The following SHISA6 variants were observed in gnomAD, a reference collection of about 807,000 sequenced individuals.
The protein encoded by SHISA6 is protein shisa-6.
SHISA6 carries 22 observed loss-of-function variants against 47.9 expected under a neutral mutation model. That is an observed-to-expected ratio of 0.46 (90% confidence interval 0.33 to 0.66). The LOEUF is 0.66. Ranked by LOEUF, SHISA6 falls within the 30% of genes least tolerant of loss-of-function variation. The pLI is 0.02. For synonymous variants in SHISA6, 388 were observed against 337.8 expected (o/e 1.15, Z -1.63); for missense variants, 680 against 764.6 (o/e 0.89, Z 1.30).
At chr17:11,470,093 C>T (rs1915901725) in intron 3 of SHISA6, among the ~76,000 whole-genome samples, 1 of 152,152 alleles carries the variant, frequency 6.6e-6, no homozygotes, top group Non-Finnish European at 1.5e-5. Context: ...AGAGGGACCT[C>T]ACCAGAAACC....
intron 2 of SHISA6, among the ~76,000 whole-genome samples, chr17:11,285,401 C>T (rs942279678): frequency 7.9e-5 from 12 of 152,208 alleles, no homozygotes; most frequent in South Asian, 4.1e-4. Flanking sequence ...TATCCCACCA[C>T]CCCTCAATCC....
At chr17:11,262,752 C>T (rs1383195960) in intron 1 of SHISA6, among the ~76,000 whole-genome samples, 2 of 152,164 alleles carry the variant, frequency 1.3e-5, no homozygotes, top group Non-Finnish European at 2.9e-5. Context: ...GTATTTTTCC[C>T]CTGTGTTTGT....
chr17:11,406,844 C>T (rs775491050), intron 3 of SHISA6, among the ~76,000 whole-genome samples: 8 of 152,136 alleles, frequency 5.3e-5, no homozygotes, highest in Non-Finnish European at 7.3e-5. Flanking sequence ...CCACACCCCA[C>T]GAGAGTATAA....
At chr17:11,552,193 G>A (rs879505770) in intron 4 of SHISA6, among the ~76,000 whole-genome samples, 2 of 152,154 alleles carry the variant, frequency 1.3e-5, no homozygotes, top group Non-Finnish European at 2.9e-5. Context: ...AAACAGAAAG[G>A]GGCTAGACCC....
intron 3 of SHISA6, among the ~76,000 whole-genome samples, chr17:11,547,233 T>G (rs1324495191): frequency 1.3e-5 from 2 of 152,166 alleles, no homozygotes; most frequent in African/African-American, 4.8e-5. Flanking sequence ...GAGATATATG[T>G]CAATTTTGTA....
intron 2 of SHISA6, among the ~76,000 whole-genome samples, chr17:11,347,877 C>T (rs1911752812): frequency 6.6e-6 from 1 of 152,126 alleles, no homozygotes; most frequent in Non-Finnish European, 1.5e-5. Flanking sequence ...TGGGTTGTCC[C>T]ACGTAACCCA....
At chr17:11,248,296 A>G (rs1338461322) in intron 1 of SHISA6, among the ~76,000 whole-genome samples, 1 of 152,156 alleles carries the variant, frequency 6.6e-6, no homozygotes, top group South Asian at 2.1e-4. Flanking sequence ...TTTGTCATCT[A>G]TTACAGAATT....
At chr17:11,370,116 A>G (rs556997944) in intron 2 of SHISA6, among the ~76,000 whole-genome samples, 3 of 152,286 alleles carry the variant, frequency 2.0e-5, no homozygotes, top group Non-Finnish European at 2.9e-5. Context: ...TCTTGATGGC[A>G]GGGAGTAAGC....
chr17:11,407,546 A>G (rs546573437), intron 3 of SHISA6, among the ~76,000 whole-genome samples: 2 of 151,880 alleles, frequency 1.3e-5, no homozygotes, highest in African/African-American at 2.4e-5. Flanking sequence ...AGCCATACCC[A>G]TCTCTTAGAA....
intron 1 of SHISA6, among the ~76,000 whole-genome samples, chr17:11,249,327 C>T (rs974570331): frequency 6.6e-6 from 1 of 151,364 alleles, no homozygotes; most frequent in African/African-American, 2.4e-5. Context: ...CGTGTGTGTG[C>T]GTGTGTATAT....
chr17:11,257,362 A>C (rs994607989), intron 1 of SHISA6, among the ~76,000 whole-genome samples: 3 of 152,198 alleles, frequency 2.0e-5, no homozygotes, highest in Non-Finnish European at 4.4e-5. Context: ...AGAGGTCATT[A>C]TCAAGTAAAA....
intron 2 of SHISA6, among the ~76,000 whole-genome samples, chr17:11,313,517 A>T (rs943819017): frequency 6.6e-6 from 1 of 152,218 alleles, no homozygotes; most frequent in East Asian, 1.9e-4. Context: ...AATCAGACAG[A>T]CAAAATTATT....
chr17:11,524,778 C>T lies in SHISA6; in HGVS notation c.896-27118C>T, dbSNP rs146406136. On this transcript the variant is annotated intron_variant, in intron 3 of 5. Coordinates refer to ENST00000441885, the MANE Select transcript of SHISA6 (RefSeq NM_207386.4). Reference sequence around the variant, plus strand: ...CCTCCCAAAGTGCTAGGATTACAGGCGTGAGCCACTGCGCCCGGTCTATTT... The same window carrying T: ...CCTCCCAAAGTGCTAGGATTACAGGTGTGAGCCACTGCGCCCGGTCTATTT... Among the ~76,000 whole-genome samples the T allele has an allele frequency of 2.5e-3, 379 of 152,292 alleles. 1 individual carries two copies. Among genetic ancestry groups the T allele is most frequent in the African/African-American group, 8.6e-3 (357 of 41,558 alleles).
At chr17:11,370,276 A>G (rs1396631351) in intron 2 of SHISA6, among the ~76,000 whole-genome samples, 1 of 152,164 alleles carries the variant, frequency 6.6e-6, no homozygotes, top group African/African-American at 2.4e-5. Flanking sequence ...ATAATATCTT[A>G]CCTGAAAGCC....
intron 2 of SHISA6, among the ~76,000 whole-genome samples, chr17:11,330,506 G>GAGAA (rs1911062348): frequency 7.4e-6 from 1 of 135,434 alleles, no homozygotes; most frequent in South Asian, 2.4e-4. Flanking sequence ...GAGAGAGAGA[G>GAGAA]AGAGAGAGAA....
intron 2 of SHISA6, among the ~76,000 whole-genome samples, chr17:11,371,191 G>C (rs1420781583): frequency 1.3e-5 from 2 of 152,200 alleles, no homozygotes; most frequent in Non-Finnish European, 2.9e-5. Flanking sequence ...GTAAGAGCAA[G>C]CTCAGAAGCT....
chr17:11,311,968 GT>G (rs1301728232), intron 2 of SHISA6, among the ~76,000 whole-genome samples: 1 of 151,980 alleles, frequency 6.6e-6, no homozygotes, highest in East Asian at 1.9e-4. Flanking sequence ...TAGAAATGGG[GT>G]TTTGCCATGT....
At chr17:11,300,941 A>G (rs1337166231) in intron 2 of SHISA6, among the ~76,000 whole-genome samples, 1 of 127,552 alleles carries the variant, frequency 7.8e-6, no homozygotes, top group East Asian at 2.6e-4. Flanking sequence ...GTGGGGGGAG[A>G]GAAAATCACA....
intron 2 of SHISA6, among the ~76,000 whole-genome samples, chr17:11,328,898 G>A (rs547114814): frequency 9.9e-5 from 15 of 152,264 alleles, no homozygotes; most frequent in African/African-American, 3.6e-4. Context: ...GTGTGCTGTG[G>A]GCGCATCTGC....
Sources: allele counts gnomAD v4.1 joint callset (sites outside exome capture counted in the v4.1 genomes callset), GRCh38; gene constraint gnomAD v4.1.1; transcripts MANE v1.5; gene names NCBI Gene and HGNC (gene_info 2026-07-23, HGNC 2026-07-21).